ACKR3: variants seen among roughly 807,000 people sequenced by gnomAD.
The protein encoded by ACKR3 is atypical chemokine receptor 3, also known as C-X-C chemokine receptor type 7.
ACKR3 carries 6 observed loss-of-function variants against 22.4 expected under a neutral mutation model. The observed-to-expected ratio is 0.27, with a 90% CI of 0.15 to 0.53. ACKR3 has a LOEUF of 0.53. Among genes scored for constraint, ACKR3 ranks in the 20% least tolerant of loss-of-function variants. The pLI is 0.96. For missense variants in ACKR3, 396 were observed against 475.2 expected (o/e 0.83, Z 1.55); for synonymous variants, 209 against 205.2 (o/e 1.02, Z -0.16).
At chr2:236,566,949 G>GCCTT (rs145327612), upstream of ACKR3, among the ~76,000 whole-genome samples, 49 of 135,166 alleles carry the variant, frequency 3.6e-4, no homozygotes, top group Non-Finnish European at 6.8e-4. Context: ...CTGCCTGCCT[G>GCCTT]CCTTCCTTCC....
At chr2:236,546,422 C>T in the ACKR3 span, among the ~76,000 whole-genome samples, 7 of 152,198 alleles carry the variant, frequency 4.6e-5, no homozygotes, top group African/African-American at 1.2e-4. The surrounding 1 kb of genome is among the most constrained non-coding windows in gnomAD (Gnocchi z 4.9). Context: ...ATTTTTACTA[C>T]ATAGATACTT....
At chr2:236,546,622 A>G in the ACKR3 span, among the ~76,000 whole-genome samples, 1 of 152,182 alleles carries the variant, frequency 6.6e-6, no homozygotes. This position sits in a 1 kb window ranked among gnomAD's most constrained non-coding sequence, Gnocchi z 4.9. Flanking sequence ...AGCTTTACTC[A>G]CTACAGGAAG....
upstream of ACKR3, among the ~76,000 whole-genome samples, chr2:236,568,686 G>T (rs1691242038): frequency 6.6e-6 from 1 of 152,244 alleles, no homozygotes; most frequent in African/African-American, 2.4e-5. Flanking sequence ...TTTCGTTAAG[G>T]GCTTTCTCCA....
In ACKR3 at chr2:236,581,188, G is replaced by T. The variant is rs766774920; in HGVS notation, c.723G>T (p.Ala241=). ...TCCTGCTGGCCAGAGCCATCTCGGCGTCCAGTGACCAGGAGAAGCACAGCA... is the reference window on the plus strand; with the variant it reads ...TCCTGCTGGCCAGAGCCATCTCGGCTTCCAGTGACCAGGAGAAGCACAGCA... The part of the protein sequence containing the change: ...FYFLLARAIS[A]SSDQEKHSSR... The change falls in exon 2 of 2, where the codon GCG becomes GCT. Residue 241 remains alanine (A), a synonymous_variant. Coordinates refer to ENST00000272928, the MANE Select transcript of ACKR3 (RefSeq NM_020311.3). The surrounding 1 kb of genome is among the most constrained non-coding windows in gnomAD (Gnocchi z 4.4). The T allele has an allele frequency of 3.1e-6, 5 of 1,613,434 alleles. No homozygotes were observed. Among genetic ancestry groups the T allele is most frequent in the Admixed American group, 3.3e-5 (2 of 60,000 alleles).
At chr2:236,554,749 T>C in the ACKR3 span, among the ~76,000 whole-genome samples, 5 of 152,324 alleles carry the variant, frequency 3.3e-5, no homozygotes, top group South Asian at 1.0e-3. Flanking sequence ...GAGCCCTAGA[T>C]GCTAACACAC....
intron 1 of ACKR3, among the ~76,000 whole-genome samples, chr2:236,575,611 GTGTGTGTGTGTCTGGGGTTGTGC>G (rs1691397709): frequency 1.7e-5 from 2 of 120,330 alleles, no homozygotes; most frequent in African/African-American, 3.9e-5. Context: ...TGTGCTCTGT[GTGTGTGTGTGTCTGGGGTTGTGC>G]TGTGTGTGCG....
At chr2:236,543,944 T>G in the ACKR3 span, among the ~76,000 whole-genome samples, 1 of 11,586 alleles carries the variant, frequency 8.6e-5, no homozygotes, top group African/African-American at 4.8e-4. Flanking sequence ...GAGAAGGGTA[T>G]ATATATATAT....
At chr2:236,542,593 C>T in the ACKR3 span, among the ~76,000 whole-genome samples, 6 of 152,186 alleles carry the variant, frequency 3.9e-5, no homozygotes, top group African/African-American at 9.6e-5. Context: ...GTCCAGGAGA[C>T]GGCGTGGCCA....
the ACKR3 span, among the ~76,000 whole-genome samples, chr2:236,555,028 C>T: frequency 4.6e-5 from 7 of 152,236 alleles, no homozygotes; most frequent in Non-Finnish European, 1.0e-4. Flanking sequence ...CAAATCCTCA[C>T]ATGCCAATCA....
At chr2:236,572,338 A>G (rs1350395494) in intron 1 of ACKR3, among the ~76,000 whole-genome samples, 1 of 152,204 alleles carries the variant, frequency 6.6e-6, no homozygotes, top group Non-Finnish European at 1.5e-5. Flanking sequence ...TGTTCCAGGC[A>G]CTGAAAAAGT....
At chr2:236,540,923 C>A in the ACKR3 span, among the ~76,000 whole-genome samples, 1 of 152,272 alleles carries the variant, frequency 6.6e-6, no homozygotes, top group South Asian at 2.1e-4. Flanking sequence ...TCACTTGTAC[C>A]CAAATACCTG....
chr2:236,571,204 C>A (rs1042086069), intron 1 of ACKR3, among the ~76,000 whole-genome samples: 1 of 152,206 alleles, frequency 6.6e-6, no homozygotes, highest in Admixed American at 6.5e-5. Context: ...GATGGAAAGT[C>A]TTTTCTAAAG....
chr2:236,549,348 C>T, the ACKR3 span, among the ~76,000 whole-genome samples: 1 of 152,212 alleles, frequency 6.6e-6, no homozygotes, highest in Non-Finnish European at 1.5e-5. This position sits in a 1 kb window ranked among gnomAD's most constrained non-coding sequence, Gnocchi z 5.3. Flanking sequence ...ATAGTCTCCC[C>T]TGCTGAGGGC....
the ACKR3 span, among the ~76,000 whole-genome samples, chr2:236,537,795 C>T: frequency 6.6e-5 from 10 of 152,248 alleles, no homozygotes; most frequent in Admixed American, 5.9e-4. Context: ...TCTCTTCCAC[C>T]GCCTTTACTT....
In ACKR3 at chr2:236,577,558, G is replaced by A. The variant is rs1691436047; in HGVS notation, c.-26-2882G>A. 3.9e-5 allele frequency among the ~76,000 whole-genome samples: 6 copies of A among 152,110 alleles called. No homozygotes were observed. ...GAAGGAAGGACACACTCGAGATGTG[G>A]GAACCAGGCGTCTTCTCACTGAGTG... On this transcript the variant is annotated intron_variant, in intron 1 of 1. Coordinates refer to ENST00000272928, the MANE Select transcript of ACKR3 (RefSeq NM_020311.3). This position sits in a 1 kb window ranked among gnomAD's most constrained non-coding sequence, Gnocchi z 5.6.
the ACKR3 span, among the ~76,000 whole-genome samples, chr2:236,551,778 C>G: frequency 6.6e-6 from 1 of 152,212 alleles, no homozygotes; most frequent in Non-Finnish European, 1.5e-5. Context: ...CCCAGACCTC[C>G]AAGACCTTGA....
At chr2:236,541,066 T>C in the ACKR3 span, among the ~76,000 whole-genome samples, 1 of 147,716 alleles carries the variant, frequency 6.8e-6, no homozygotes, top group Non-Finnish European at 1.5e-5. Flanking sequence ...TCTGACCCTG[T>C]CTCTGGGCTA....
At chr2:236,559,330 C>T in the ACKR3 span, among the ~76,000 whole-genome samples, 6 of 152,186 alleles carry the variant, frequency 3.9e-5, no homozygotes, top group East Asian at 1.2e-3. Flanking sequence ...CCTATGTACT[C>T]ACCAATAAGG....
At chr2:236,571,800 C>T (rs888372110) in intron 1 of ACKR3, among the ~76,000 whole-genome samples, 3 of 151,662 alleles carry the variant, frequency 2.0e-5, no homozygotes, top group Non-Finnish European at 4.4e-5. Flanking sequence ...TAAGAGTAAC[C>T]GAGGGGAAAG....
Sources: gnomAD v4.1 joint callset for allele counts (sites outside exome capture counted in the v4.1 genomes callset) on GRCh38, gnomAD v4.1.1 for gene constraint, Gnocchi (gnomAD v3.1) non-coding constraint, MANE v1.5 for transcripts, NCBI Gene and HGNC (gene_info 2026-07-23, HGNC 2026-07-21) for gene names.